SOX5: variants seen among roughly 807,000 people sequenced by gnomAD.
SOX5 encodes the protein transcription factor SOX-5.
SOX5 carries 9 observed loss-of-function variants against 92.0 expected under a neutral mutation model. That is an observed-to-expected ratio of 0.10 (90% CI 0.06 to 0.17). SOX5 has a LOEUF of 0.17. Among genes scored for constraint, SOX5 ranks in the 10% least tolerant of loss-of-function variants. The pLI, the probability that SOX5 is intolerant of heterozygous loss-of-function variation, is 1.00. For synonymous variants in SOX5, 344 were observed against 336.3 expected (o/e 1.02, Z -0.25); for missense variants, 642 against 944.5 (o/e 0.68, Z 4.20).
intron 4 of SOX5, among the ~76,000 whole-genome samples, chr12:23,743,987 A>G (rs996610904): frequency 2.0e-5 from 3 of 152,222 alleles, no homozygotes; most frequent in Admixed American, 1.3e-4. Context: ...TAAGATTTCA[A>G]ATTTAAAACA....
At chr12:24,214,612 G>T (rs191019941) in intron 3 of SOX5, among the ~76,000 whole-genome samples, 148 of 152,114 alleles carry the variant, frequency 9.7e-4, no homozygotes, top group Non-Finnish European at 1.8e-3. Flanking sequence ...TATTAAAATT[G>T]TATAAATAAA....
chr12:24,054,177 C>T (rs1487942796), intron 4 of SOX5, among the ~76,000 whole-genome samples: 1 of 152,130 alleles, frequency 6.6e-6, no homozygotes, highest in Non-Finnish European at 1.5e-5. Context: ...TTAAAGCTGT[C>T]AAAATATTTC....
chr12:23,961,687 A>G (rs903828737), intron 4 of SOX5, among the ~76,000 whole-genome samples: 9 of 152,210 alleles, frequency 5.9e-5, no homozygotes, highest in Non-Finnish European at 1.0e-4. Context: ...TATAAGCTAT[A>G]TAAAAATAAA....
At chr12:24,172,158 G>A (rs1355842373) in intron 4 of SOX5, among the ~76,000 whole-genome samples, 3 of 151,918 alleles carry the variant, frequency 2.0e-5, no homozygotes, top group African/African-American at 7.3e-5. Context: ...GACAAATTCC[G>A]TAAACTAAAT....
At chr12:23,930,233 G>C (rs549940381) in intron 1 of SOX5, among the ~76,000 whole-genome samples, 104 of 151,908 alleles carry the variant, frequency 6.8e-4, no homozygotes, top group African/African-American at 2.3e-3. Context: ...TTGGTAGAAT[G>C]CTTCATTTTT....
chr12:24,247,557 G>C (rs566766507), intron 3 of SOX5, among the ~76,000 whole-genome samples: 1 of 151,904 alleles, frequency 6.6e-6, no homozygotes, highest in Non-Finnish European at 1.5e-5. Context: ...GGCTGGGGGA[G>C]TTGTACAGGG....
chr12:23,926,803 A>G (rs1028793544), intron 1 of SOX5, among the ~76,000 whole-genome samples: 1 of 152,058 alleles, frequency 6.6e-6, no homozygotes, highest in African/African-American at 2.4e-5. Context: ...ATCTACAGGG[A>G]AAATGCCTTT....
At chr12:24,547,253 G>A (rs372762342) in intron 1 of SOX5, among the ~76,000 whole-genome samples, 1 of 145,616 alleles carries the variant, frequency 6.9e-6, no homozygotes, top group Non-Finnish European at 1.5e-5. Flanking sequence ...CTGCAGTGGC[G>A]CAATCTCGGC....
chr12:24,005,318 G>A (rs954141894), intron 4 of SOX5, among the ~76,000 whole-genome samples: 10 of 152,036 alleles, frequency 6.6e-5, no homozygotes, highest in African/African-American at 2.4e-4. Context: ...TTATTAGAAA[G>A]GAAGCATCTA....
At chr12:23,683,493 A>G (rs1330113854) in intron 6 of SOX5, among the ~76,000 whole-genome samples, 1 of 151,818 alleles carries the variant, frequency 6.6e-6, no homozygotes, top group Admixed American at 6.6e-5. Flanking sequence ...TTTTTCATTT[A>G]TTAATCTAAA....
intron 4 of SOX5, among the ~76,000 whole-genome samples, chr12:24,173,840 C>T (rs1475485395): frequency 6.6e-6 from 1 of 152,160 alleles, no homozygotes; most frequent in Non-Finnish European, 1.5e-5. Context: ...CCCGGATATT[C>T]ATCCAGTTAC....
chr12:24,547,684 C>A (rs1405797279), intron 1 of SOX5, among the ~76,000 whole-genome samples: 3 of 152,178 alleles, frequency 2.0e-5, no homozygotes, highest in Non-Finnish European at 4.4e-5. Flanking sequence ...AAATACTCAG[C>A]TCAGGCATAA....
At chr12:23,784,525 A>G (rs1439930090) in intron 3 of SOX5, among the ~76,000 whole-genome samples, 1 of 152,056 alleles carries the variant, frequency 6.6e-6, no homozygotes, top group Non-Finnish European at 1.5e-5. Flanking sequence ...ACAGGGTCTC[A>G]CCGTGTTAGC....
intron 4 of SOX5, among the ~76,000 whole-genome samples, chr12:24,212,062 A>C (rs1958675272): frequency 6.6e-6 from 1 of 152,256 alleles, no homozygotes; most frequent in South Asian, 2.1e-4. Flanking sequence ...CTCTGCAAGA[A>C]TCAGTGCAGA....
intron 1 of SOX5, among the ~76,000 whole-genome samples, chr12:24,454,724 G>T (rs1017935820): frequency 6.6e-6 from 1 of 151,932 alleles, no homozygotes; most frequent in Non-Finnish European, 1.5e-5. Flanking sequence ...TGCTTGGAAC[G>T]CACCCTTCCA....
rs1052725718 is a variant in SOX5, at chr12:23,965,571, C to T, written c.-1-69547G>A. On this transcript the variant is annotated intron_variant, in intron 4 of 4. Transcript: ENST00000446891. ...GTGATAACCACAACCACTCCACAAA[C>T]GTTCAGACCTAAGCAACATTTCATT... 2.6e-5 allele frequency among the ~76,000 whole-genome samples: 4 copies of T among 152,262 alleles called. No homozygotes were observed. The East Asian group carries it at 7.7e-4, about 29-fold the overall frequency.
intron 1 of SOX5, among the ~76,000 whole-genome samples, chr12:24,530,261 C>A (rs1377130430): frequency 6.6e-6 from 1 of 152,116 alleles, no homozygotes; most frequent in Non-Finnish European, 1.5e-5. Flanking sequence ...ACGCACTAAA[C>A]CTAATTTTAC....
At chr12:23,941,135 C>T (rs772271525) in intron 1 of SOX5, among the ~76,000 whole-genome samples, 1 of 151,398 alleles carries the variant, frequency 6.6e-6, no homozygotes, top group Non-Finnish European at 1.5e-5. Context: ...GATCAACTGC[C>T]CTATAAATGA....
intron 1 of SOX5, among the ~76,000 whole-genome samples, chr12:24,560,624 A>T (rs1954243177): frequency 6.6e-6 from 1 of 152,230 alleles, no homozygotes; most frequent in African/African-American, 2.4e-5. Flanking sequence ...CTGAGCTAAC[A>T]GCAATTCTCA....
Sources: allele counts gnomAD v4.1 joint callset (sites outside exome capture counted in the v4.1 genomes callset), GRCh38; gene constraint gnomAD v4.1.1; transcripts MANE v1.5; gene names NCBI Gene and HGNC (gene_info 2026-07-23, HGNC 2026-07-21).